The following ARK2C variants were observed in gnomAD, a reference collection of about 807,000 sequenced individuals.
ARK2C encodes E3 ubiquitin-protein ligase ARK2C.
At chr18:46,392,656 C>T in the ARK2C span, among the ~76,000 whole-genome samples, 21 of 152,270 alleles carry the variant, frequency 1.4e-4, no homozygotes, top group Non-Finnish European at 3.1e-4. Flanking sequence ...GGCTGGGGGA[C>T]ACTGGGCCAG....
the ARK2C span, among the ~76,000 whole-genome samples, chr18:46,398,292 G>A: frequency 1.3e-5 from 2 of 151,832 alleles, no homozygotes; most frequent in African/African-American, 4.9e-5. Context: ...GTGAGTGTGT[G>A]TGTTCACAGT....
the ARK2C span, among the ~76,000 whole-genome samples, chr18:46,453,802 C>A: frequency 6.6e-6 from 1 of 151,476 alleles, no homozygotes; most frequent in African/African-American, 2.4e-5. Context: ...GATATGAAAG[C>A]AACATATAAA....
the ARK2C span, among the ~76,000 whole-genome samples, chr18:46,436,471 T>G: frequency 6.6e-6 from 1 of 152,208 alleles, no homozygotes; most frequent in African/African-American, 2.4e-5. Flanking sequence ...TTTTGGAGTG[T>G]AAAATAATCT....
the ARK2C span, among the ~76,000 whole-genome samples, chr18:46,391,568 C>T: frequency 6.6e-6 from 1 of 152,134 alleles, no homozygotes; most frequent in East Asian, 1.9e-4. Context: ...TGGGGCAGGC[C>T]CTGCTCGAGC....
chr18:46,416,866 A>T, the ARK2C span, among the ~76,000 whole-genome samples: 1 of 152,228 alleles, frequency 6.6e-6, no homozygotes, highest in African/African-American at 2.4e-5. Flanking sequence ...AATTGGCATG[A>T]TGTCACTTCT....
chr18:46,458,400 A>T, the ARK2C span: 1 of 152,418 alleles, frequency 6.6e-6, no homozygotes, highest in Non-Finnish European at 1.5e-5. Context: ...CTGTTCCCTC[A>T]TTTGCACTGC....
the ARK2C span, among the ~76,000 whole-genome samples, chr18:46,405,517 G>A: frequency 1.3e-5 from 2 of 152,126 alleles, no homozygotes; most frequent in Non-Finnish European, 1.5e-5. Flanking sequence ...GGCTGTTGGC[G>A]ATGTGGAAAC....
chr18:46,346,177 A>T, the ARK2C span, among the ~76,000 whole-genome samples: 20 of 152,184 alleles, frequency 1.3e-4, no homozygotes, highest in Non-Finnish European at 2.9e-5. Context: ...CAAGTGTGCC[A>T]GGCCTAGGAA....
chr18:46,454,110 C>CAAAAAA, the ARK2C span, among the ~76,000 whole-genome samples: 45 of 16,570 alleles, frequency 2.7e-3, no homozygotes, highest in Middle Eastern at 0.05. Flanking sequence ...AAGGCCGTCT[C>CAAAAAA]AAAAAAAAAA....
the ARK2C span, among the ~76,000 whole-genome samples, chr18:46,436,053 C>T: frequency 2.6e-5 from 4 of 152,120 alleles, no homozygotes; most frequent in African/African-American, 2.4e-5. Flanking sequence ...GATGCAGGGT[C>T]GCTTGGTTTT....
the ARK2C span, among the ~76,000 whole-genome samples, chr18:46,340,384 A>C: frequency 6.6e-6 from 1 of 152,042 alleles, no homozygotes; most frequent in Non-Finnish European, 1.5e-5. Flanking sequence ...TCATTCACTC[A>C]CTCACTTGTT....
At chr18:46,410,612 G>T in the ARK2C span, among the ~76,000 whole-genome samples, 17 of 152,350 alleles carry the variant, frequency 1.1e-4, no homozygotes, top group South Asian at 3.1e-3. Context: ...TTATGACCTG[G>T]AGCCATGCCC....
At chr18:46,433,660 G>A in the ARK2C span, among the ~76,000 whole-genome samples, 1 of 152,226 alleles carries the variant, frequency 6.6e-6, no homozygotes, top group Non-Finnish European at 1.5e-5. Flanking sequence ...TCTCTCCCTG[G>A]CCTGGCCGGC....
the ARK2C span, among the ~76,000 whole-genome samples, chr18:46,398,991 G>A: frequency 5.3e-5 from 8 of 152,112 alleles, no homozygotes; most frequent in Non-Finnish European, 1.0e-4. Flanking sequence ...GGGTGTGGCC[G>A]CCAGAGATCC....
chr18:46,362,637 A>G, the ARK2C span, among the ~76,000 whole-genome samples: 2 of 152,232 alleles, frequency 1.3e-5, no homozygotes, highest in Non-Finnish European at 2.9e-5. Context: ...ATTTCCAGAC[A>G]TATGGTTTCT....
At chr18:46,365,144 T>A in the ARK2C span, among the ~76,000 whole-genome samples, 1 of 152,194 alleles carries the variant, frequency 6.6e-6, no homozygotes, top group Non-Finnish European at 1.5e-5. Flanking sequence ...TGCCTTCTTG[T>A]TAGAGGTGGG....
chr18:46,427,000 T>C, the ARK2C span, among the ~76,000 whole-genome samples: 7 of 152,328 alleles, frequency 4.6e-5, no homozygotes, highest in East Asian at 1.4e-3. Flanking sequence ...ACTCCTTGGA[T>C]CTTAGGGACC....
At chr18:46,399,188 T>G in the ARK2C span, among the ~76,000 whole-genome samples, 12 of 152,164 alleles carry the variant, frequency 7.9e-5, no homozygotes, top group Admixed American at 7.9e-4. Flanking sequence ...GTGAGGACAG[T>G]GAATCCTTCG....
the ARK2C span, among the ~76,000 whole-genome samples, chr18:46,339,796 G>T: frequency 6.6e-6 from 1 of 152,250 alleles, no homozygotes; most frequent in African/African-American, 2.4e-5. Flanking sequence ...TTAGGGAAAA[G>T]ACCACCAAAA....
Sources: allele counts gnomAD v4.1 joint callset (sites outside exome capture counted in the v4.1 genomes callset), GRCh38; gene constraint gnomAD v4.1.1; transcripts MANE v1.5; gene names NCBI Gene and HGNC (gene_info 2026-07-23, HGNC 2026-07-21).